Variants in PTK2 observed in about 807,000 individuals in gnomAD.
The protein encoded by PTK2 is protein tyrosine kinase 2.
A neutral mutation model predicts 150.1 loss-of-function variants in PTK2; 45 were observed. The ratio of observed to expected loss-of-function variants is 0.30; its 90% CI spans 0.24 to 0.38. The LOEUF is 0.38. Ranked by LOEUF, PTK2 falls within the 10% of genes least tolerant of loss-of-function variation. The pLI, the probability that PTK2 is intolerant of heterozygous loss-of-function variation, is 1.00. For missense variants in PTK2, 919 were observed against 1,307.3 expected, an observed-to-expected ratio of 0.70 and a Z score of 4.58; for synonymous variants, 432 against 449.2, an observed-to-expected ratio of 0.96 and a Z score of 0.48.
At chr8:140,864,723 C>T (rs2100138267) in intron 4 of PTK2, among the ~76,000 whole-genome samples, 1 of 152,086 alleles carries the variant, frequency 6.6e-6, no homozygotes, top group Non-Finnish European at 1.5e-5. Context: ...CACGACTTCC[C>T]ACGTCTAAAT....
intron 4 of PTK2, 149 bp downstream of exon 4, chr8:140,879,322 G>A (rs2100147563): frequency 3.8e-6 from 3 of 788,386 alleles, no homozygotes; most frequent in South Asian, 2.5e-5. Flanking sequence ...GAGATCATTC[G>A]TTAATAATTA....
chr8:140,886,150 C>T (rs988692171), intron 3 of PTK2, among the ~76,000 whole-genome samples: 1 of 151,974 alleles, frequency 6.6e-6, no homozygotes. Context: ...GGCTTGAGAG[C>T]AAAAGAGGAA....
intron 2 of PTK2, among the ~76,000 whole-genome samples, chr8:140,898,489 T>C (rs2100157197): frequency 1.3e-5 from 2 of 152,186 alleles, no homozygotes; most frequent in Admixed American, 1.3e-4. Context: ...TTAATTAACA[T>C]AGGAAACATA....
At chr8:140,818,672 C>T (rs1197467968) in intron 9 of PTK2, among the ~76,000 whole-genome samples, 1 of 152,106 alleles carries the variant, frequency 6.6e-6, no homozygotes, top group African/African-American at 2.4e-5. Context: ...AATTATGAAG[C>T]TAGGCATGCT....
intron 26 of PTK2, among the ~76,000 whole-genome samples, chr8:140,689,581 C>T (rs2100021940): frequency 6.6e-6 from 1 of 152,154 alleles, no homozygotes; most frequent in South Asian, 2.1e-4. Context: ...GTTAACTCAG[C>T]TATGGTTATT....
intron 7 of PTK2, among the ~76,000 whole-genome samples, chr8:140,832,488 G>C (rs929413328): frequency 6.6e-6 from 1 of 152,218 alleles, no homozygotes; most frequent in Admixed American, 6.5e-5. Flanking sequence ...GTTTAAGTAA[G>C]ACTGTTTATG....
chr8:140,832,837 G>A (rs759300749), intron 7 of PTK2: 10 of 518,754 alleles, frequency 1.9e-5, no homozygotes, highest in Middle Eastern at 3.2e-4. Context: ...GTACGTGCAC[G>A]CCCTTCTAGT....
At chr8:140,897,190 C>A in intron 2 of PTK2, among the ~76,000 whole-genome samples, 1 of 152,088 alleles carries the variant, frequency 6.6e-6, no homozygotes, top group Non-Finnish European at 1.5e-5. Flanking sequence ...TCCAAATATA[C>A]CTATGTGGCC....
intron 1 of PTK2, among the ~76,000 whole-genome samples, chr8:140,955,565 G>A (rs1351585771): frequency 2.6e-5 from 4 of 152,058 alleles, no homozygotes; most frequent in Non-Finnish European, 5.9e-5. Context: ...CAAACCCACA[G>A]GACAGGGAGA....
intron 1 of PTK2, among the ~76,000 whole-genome samples, chr8:140,952,379 C>T (rs974423949): frequency 1.1e-4 from 17 of 152,268 alleles, no homozygotes; most frequent in African/African-American, 4.1e-4. Flanking sequence ...ACATCTGGCA[C>T]AGCACAAGGG....
At chr8:140,742,560 T>C (rs1341055933) in intron 20 of PTK2, among the ~76,000 whole-genome samples, 1 of 152,252 alleles carries the variant, frequency 6.6e-6, no homozygotes, top group Non-Finnish European at 1.5e-5. Context: ...AGGTATGTAC[T>C]GTAATCCCAT....
intron 14 of PTK2, among the ~76,000 whole-genome samples, chr8:140,775,362 G>A (rs534104401): frequency 6.6e-6 from 1 of 152,230 alleles, no homozygotes; most frequent in South Asian, 2.1e-4. Context: ...GTGTGTGCTT[G>A]TAGTCATAGC....
chr8:140,693,559 T>G, intron 26 of PTK2, among the ~76,000 whole-genome samples: 1 of 97,000 alleles, frequency 1.0e-5, no homozygotes, highest in Admixed American at 1.4e-4. Context: ...AGACTTTGTC[T>G]CAATTAAAAA....
intron 1 of PTK2, among the ~76,000 whole-genome samples, chr8:140,986,785 G>GT (rs2100193412): frequency 1.3e-5 from 2 of 152,314 alleles, no homozygotes; most frequent in Admixed American, 1.3e-4. Context: ...TGACGCAAAA[G>GT]TAAGTGTTCT....
intron 21 of PTK2, among the ~76,000 whole-genome samples, chr8:140,738,115 T>C (rs1185957714): frequency 6.6e-6 from 1 of 152,182 alleles, no homozygotes; most frequent in Non-Finnish European, 1.5e-5. Context: ...TAGTTTCTAA[T>C]GTAGCAGAGA....
chr8:140,747,632 G>A (rs372263207), intron 17 of PTK2, among the ~76,000 whole-genome samples: 4 of 92,380 alleles, frequency 4.3e-5, no homozygotes, highest in East Asian at 4.0e-4. Context: ...GAGGAGGAAG[G>A]GGAGAGGAAG....
At chr8:140,837,307 G>C (rs963074410) in intron 7 of PTK2, among the ~76,000 whole-genome samples, 1 of 152,116 alleles carries the variant, frequency 6.6e-6, no homozygotes, top group Admixed American at 6.5e-5. Flanking sequence ...AGATTGGAAA[G>C]ACATGAAAAG....
chr8:140,708,309 T>C (rs1203001732), intron 23 of PTK2, among the ~76,000 whole-genome samples: 2 of 152,122 alleles, frequency 1.3e-5, no homozygotes, highest in African/African-American at 4.8e-5. Context: ...CCCCCTCAGT[T>C]TTGCTTATAC....
intron 2 of PTK2, among the ~76,000 whole-genome samples, chr8:140,903,952 T>G (rs553501916): frequency 2.6e-5 from 4 of 152,226 alleles, no homozygotes; most frequent in Admixed American, 1.3e-4. Flanking sequence ...CAGAGACAAT[T>G]TTGACTTCCT....
Sources: allele counts gnomAD v4.1 joint callset (sites outside exome capture counted in the v4.1 genomes callset), GRCh38; gene constraint gnomAD v4.1.1; transcripts MANE v1.5; gene names NCBI Gene and HGNC (gene_info 2026-07-23, HGNC 2026-07-21).